The following DGKB variants were observed in gnomAD, a reference collection of about 807,000 sequenced individuals.
DGKB encodes 90 kDa diacylglycerol kinase.
A neutral mutation model predicts 114.3 loss-of-function variants in DGKB; 67 were observed. That is an observed-to-expected ratio of 0.59 (90% CI 0.48 to 0.72). DGKB has a LOEUF of 0.72. Ranked by LOEUF, DGKB falls within the 30% of genes least tolerant of loss-of-function variation. DGKB has a pLI of 0.00. For synonymous variants in DGKB, 398 were observed against 323.1 expected (o/e 1.23, Z -2.49); for missense variants, 907 against 975.2 (o/e 0.93, Z 0.93).
At chr7:14,656,510 T>C (rs1037814638) in intron 13 of DGKB, among the ~76,000 whole-genome samples, 9 of 151,512 alleles carry the variant, frequency 5.9e-5, no homozygotes, top group Non-Finnish European at 1.2e-4. Flanking sequence ...AGTCAATCCA[T>C]AGGACACTGC....
At chr7:14,949,301 A>C (rs1786045214) in intron 1 of DGKB, among the ~76,000 whole-genome samples, 1 of 151,994 alleles carries the variant, frequency 6.6e-6, no homozygotes, top group African/African-American at 2.4e-5. Context: ...CTTATAGCAA[A>C]GGGTTGTATT....
chr7:14,811,901 T>A (rs1843494457), intron 2 of DGKB, among the ~76,000 whole-genome samples: 1 of 151,892 alleles, frequency 6.6e-6, no homozygotes. Context: ...AGAACTTTTT[T>A]ATTTTCCCCA....
At chr7:14,826,851 C>T (rs535388926) in intron 2 of DGKB, among the ~76,000 whole-genome samples, 2 of 152,154 alleles carry the variant, frequency 1.3e-5, no homozygotes, top group Admixed American at 6.6e-5. Context: ...ATTATATTTG[C>T]CATCTAAGAT....
chr7:14,568,989 C>T (rs1797990024), intron 20 of DGKB, among the ~76,000 whole-genome samples: 1 of 152,190 alleles, frequency 6.6e-6, no homozygotes, highest in South Asian at 2.1e-4. Flanking sequence ...AGTTGAGATG[C>T]ATCCCATATG....
Position 14,357,486 on chromosome 7 carries a change from A to G in DGKB, c.1836-12095T>C, listed in dbSNP as rs916733484. ...CCATCCCTTTATTTTGAGCCTATGT[A>G]TATCTTTGCACGTGAGATGGGTCTC... On this transcript the variant is annotated intron_variant, in intron 21 of 25. Transcript: ENST00000402815. Among the ~76,000 whole-genome samples the G allele has an allele frequency of 7.2e-5, 11 of 152,096 alleles. 1 individual carries two copies. Among genetic ancestry groups the G allele is most frequent in the Admixed American group, 2.6e-4 (4 of 15,256 alleles).
intron 1 of DGKB, among the ~76,000 whole-genome samples, chr7:14,842,804 G>A (rs1230545867): frequency 6.6e-6 from 1 of 152,104 alleles, no homozygotes; most frequent in African/African-American, 2.4e-5. Context: ...TCAATGACAG[G>A]GTGAAAACAG....
intron 5 of DGKB, among the ~76,000 whole-genome samples, chr7:14,733,484 C>T (rs561113668): frequency 4.2e-4 from 64 of 152,140 alleles, no homozygotes; most frequent in African/African-American, 1.4e-3. Flanking sequence ...GCCAGGCATT[C>T]GAGACCAGCC....
chr7:14,273,845 T>C (rs1798610547), intron 23 of DGKB, among the ~76,000 whole-genome samples: 1 of 152,202 alleles, frequency 6.6e-6, no homozygotes, highest in Admixed American at 6.5e-5. Context: ...TGAGTATGTA[T>C]ATATGTGTGC....
intron 21 of DGKB, among the ~76,000 whole-genome samples, chr7:14,449,373 G>C (rs1831157691): frequency 6.6e-6 from 1 of 151,962 alleles, no homozygotes; most frequent in African/African-American, 2.4e-5. Flanking sequence ...GTGTCTTTGA[G>C]AATTGTCTGT....
At chr7:14,971,529 A>G (rs1787466669) in intron 1 of DGKB, among the ~76,000 whole-genome samples, 1 of 152,090 alleles carries the variant, frequency 6.6e-6, no homozygotes, top group East Asian at 1.9e-4. Context: ...TACCTAGCCA[A>G]TTTTTCATAT....
chr7:14,314,740 T>C (rs1259546153), intron 23 of DGKB, among the ~76,000 whole-genome samples: 1 of 151,648 alleles, frequency 6.6e-6, no homozygotes, highest in East Asian at 1.9e-4. Context: ...TTCCCCAATC[T>C]AGCAAGGCAG....
intron 17 of DGKB, among the ~76,000 whole-genome samples, chr7:14,594,261 G>A (rs1168997018): frequency 6.6e-6 from 1 of 151,932 alleles, no homozygotes; most frequent in East Asian, 1.9e-4. Flanking sequence ...CTACAAATAC[G>A]CAGTAAAATT....
chr7:14,853,599 G>A (rs1849689372), intron 1 of DGKB, among the ~76,000 whole-genome samples: 1 of 151,822 alleles, frequency 6.6e-6, no homozygotes, highest in South Asian at 2.1e-4. Flanking sequence ...GGTCACAGTG[G>A]CTCACGCCTG....
At chr7:14,954,832 G>A (rs1427537154) in intron 1 of DGKB, among the ~76,000 whole-genome samples, 2 of 152,042 alleles carry the variant, frequency 1.3e-5, no homozygotes, top group African/African-American at 2.4e-5. Context: ...GAGCTGAAAT[G>A]CTCAAGAGAA....
chr7:14,784,980 T>C (rs1291485440), intron 2 of DGKB, among the ~76,000 whole-genome samples: 2 of 152,214 alleles, frequency 1.3e-5, no homozygotes, highest in Non-Finnish European at 2.9e-5. Context: ...AGCACAGCTA[T>C]TATAAACTAA....
At chr7:14,688,574 A>G (rs1333400542) in intron 9 of DGKB, among the ~76,000 whole-genome samples, 3 of 152,198 alleles carry the variant, frequency 2.0e-5, no homozygotes, top group African/African-American at 7.2e-5. Flanking sequence ...ACTTTATTTC[A>G]TTAAAATGTG....
chr7:14,481,292 AT>A (rs1218848149), intron 20 of DGKB, among the ~76,000 whole-genome samples: 1 of 151,836 alleles, frequency 6.6e-6, no homozygotes, highest in East Asian at 1.9e-4. Flanking sequence ...AAATCTCCAA[AT>A]TTGCATTTTA....
At chr7:14,675,721 C>A (rs1819740384) in intron 12 of DGKB, among the ~76,000 whole-genome samples, 1 of 151,898 alleles carries the variant, frequency 6.6e-6, no homozygotes, top group Admixed American at 6.6e-5. Flanking sequence ...AGTAACCATA[C>A]TATCATCTGT....
At chr7:14,603,672 G>A (rs111629400) in intron 17 of DGKB, among the ~76,000 whole-genome samples, 14 of 151,988 alleles carry the variant, frequency 9.2e-5, no homozygotes, top group South Asian at 2.1e-4. Flanking sequence ...ATTATGTGTC[G>A]TTTGCATTTA....
Sources: gnomAD v4.1 joint callset for allele counts (sites outside exome capture counted in the v4.1 genomes callset) on GRCh38, gnomAD v4.1.1 for gene constraint, MANE v1.5 for transcripts, NCBI Gene and HGNC (gene_info 2026-07-23, HGNC 2026-07-21) for gene names.